TMEM255B: variants seen among roughly 807,000 people sequenced by gnomAD.
The protein encoded by TMEM255B is transmembrane protein 255B, also known as family with sequence similarity 70, member B.
Under a neutral mutation model 34.5 loss-of-function variants are expected in TMEM255B, and 35 were observed. The observed-to-expected ratio is 1.01, with a 90% confidence interval of 0.77 to 1.34. The LOEUF (loss-of-function observed/expected upper bound fraction) is 1.34, where lower values mean the gene tolerates loss of function less well. Ranked by LOEUF, TMEM255B falls within the 40% of genes most tolerant of loss-of-function variation. The probability of loss-of-function intolerance (pLI) is 0.00; values close to 1 mark genes in which losing one functional copy is unlikely to be tolerated. For synonymous variants in TMEM255B, 206 were observed against 201.2 expected, an observed-to-expected ratio of 1.02 and a Z score of -0.20; for missense variants, 432 against 433.2, an observed-to-expected ratio of 1.00 and a Z score of 0.02.
chr13:113,811,790 C>T lies in TMEM255B; in HGVS notation c.868C>T (p.Leu290=). The T allele has an allele frequency of 1.2e-6, 2 of 1,613,934 alleles. No individual in the cohort carries two copies. The highest frequency in any genetic ancestry group is 1.7e-6 in the Non-Finnish European group (2 of 1,179,900). The change falls in exon 9 of 9, where the codon CTG becomes TTG. Residue 290 remains leucine (L), a synonymous_variant. Transcript: ENST00000375353. ...PSSALASSED[L]QPPSPSSSGS... ...CTCTGCCCTGGCTTCGTCTGAGGAC[C>T]TGCAGCCCCCTTCTCCAAGCAGCTC... is the stretch of plus-strand genomic sequence containing the variant.
chr13:113,815,784 G>A lies in TMEM255B; in HGVS notation c.*3881G>A, dbSNP rs960274309. ...ATACTACAGTGGTCCATCCACACGC[G>A]GGTCTCACCCAGCCACAGAGAGGGA... On this transcript the variant is annotated 3_prime_UTR_variant, in exon 9 of 9. Transcript: ENST00000375353. 3 of 152,448 alleles carry A rather than the reference G, an allele frequency of 2.0e-5. No individual in the cohort carries two copies. The highest frequency in any genetic ancestry group is 7.3e-5 in the African/African-American group (3 of 41,362). The allele number at this position is 152,448 out of a possible 1,614,324, so 9.4% of individuals were successfully genotyped here. A position where few individuals can be genotyped will look rare whatever the true frequency, so the allele number is the denominator to read the frequency against.
At chr13:113,790,752 A>G (rs1321262955) in intron 3 of TMEM255B, among the ~76,000 whole-genome samples, 29 of 127,224 alleles carry the variant, frequency 2.3e-4, no homozygotes, top group African/African-American at 4.6e-4. Flanking sequence ...TGAACTGACT[A>G]GACACATGGA....
At chr13:113,798,471 TGATG>T (rs1273133731) in intron 4 of TMEM255B, among the ~76,000 whole-genome samples, 4 of 145,050 alleles carry the variant, frequency 2.8e-5, no homozygotes, top group Non-Finnish European at 4.5e-5. Context: ...AATGGATGGA[TGATG>T]GATGGATGGT....
rs2051173762 is a variant in TMEM255B at position 113,806,433 on chromosome 13, G to A, written c.813+1405G>A. ...CAGGGCCTGACAACATCTCCTCGTG[G>A]AGGGATCCCTGCACCTCATACCTCA... is the stretch of plus-strand genomic sequence containing the variant. On this transcript the variant is annotated intron_variant, in intron 8 of 8. Transcript: ENST00000375353. This position sits in a 1 kb window ranked among gnomAD's most constrained non-coding sequence, Gnocchi z 4.2. Among the ~76,000 whole-genome samples, 1 of 152,112 alleles carries A rather than the reference G, an allele frequency of 6.6e-6. No individual in the cohort carries two copies. Among genetic ancestry groups the A allele is most frequent in the African/African-American group, 2.4e-5 (1 of 41,422 alleles).
At position 113,806,825 on chromosome 13, in the gene TMEM255B, A is replaced by AGAAG. The variant is rs1453732098; in HGVS notation, c.813+1800_813+1803dup. ...CCCAGAACTGGAGGCCCGCAGGGGT[A>AGAAG]GAAGGAGGAGGCCCGCAGGGGCAGA... On this transcript the variant is annotated intron_variant, in intron 8 of 8. Transcript: ENST00000375353. This position sits in a 1 kb window ranked among gnomAD's most constrained non-coding sequence, Gnocchi z 4.2. 9.5e-6 allele frequency among the ~76,000 whole-genome samples: 1 copy of AGAAG among 105,720 alleles called. No homozygotes were observed. The highest frequency in any genetic ancestry group is 4.2e-5 in the African/African-American group (1 of 23,642). The allele number at this position is 105,720 out of a possible 152,430, so 69.4% of individuals were successfully genotyped here.
intron 8 of TMEM255B, among the ~76,000 whole-genome samples, chr13:113,808,952 G>T (rs1395985088): frequency 2.0e-5 from 3 of 148,316 alleles, no homozygotes; most frequent in Non-Finnish European, 4.5e-5. Flanking sequence ...GTGGTTTCTG[G>T]GGGTTTACCT....
chr13:113,786,566 GTCATCACCATCA>G (rs1203327979), intron 3 of TMEM255B, among the ~76,000 whole-genome samples: 7 of 149,458 alleles, frequency 4.7e-5, no homozygotes, highest in African/African-American at 1.7e-4. Context: ...CATCATCACC[GTCATCACCATCA>G]TCATCACCAT....
chr13:113,799,846 G>C (rs1038507494), intron 5 of TMEM255B: 2 of 696,900 alleles, frequency 2.9e-6, no homozygotes, highest in Non-Finnish European at 4.8e-6. Context: ...GTAATGACCC[G>C]CGGGCGGCCG....
chr13:113,811,253 G>A (rs1407534926), intron 8 of TMEM255B, among the ~76,000 whole-genome samples: 1 of 129,932 alleles, frequency 7.7e-6, no homozygotes, highest in Non-Finnish European at 1.6e-5. Context: ...TCTGTGGGGT[G>A]GGGGCCCGTG....
intron 3 of TMEM255B, among the ~76,000 whole-genome samples, chr13:113,782,575 G>A (rs1276464668): frequency 2.0e-5 from 3 of 151,636 alleles, no homozygotes; most frequent in Non-Finnish European, 2.9e-5. Context: ...GTTACCCTGG[G>A]TTCCGTGGAC....
In TMEM255B at chr13:113,759,263, C is replaced by T. The variant is rs2140793277; in HGVS notation, c.-7C>T. ...GTGGCCCCGGGAGAGCCGGGTGGGG[C>T]CTCGGGATGCAGCCGCCGGTGCCCG... On this transcript the variant is annotated 5_prime_UTR_variant, in exon 1 of 9. Coordinates refer to ENST00000375353, the MANE Select transcript of TMEM255B (RefSeq NM_182614.4). 1 of 1,228,402 alleles carries T rather than the reference C, an allele frequency of 8.1e-7. No individual in the cohort carries two copies. Among genetic ancestry groups the T allele is most frequent in the Non-Finnish European group, 1.0e-6 (1 of 985,774 alleles). The allele number at this position is 1,228,402 out of a possible 1,614,324, so 76.1% of individuals were successfully genotyped here.
chr13:113,800,085 TGTGTGTGTGTGG>T, intron 5 of TMEM255B: 1 of 1,167,276 alleles, frequency 8.6e-7, no homozygotes, highest in Non-Finnish European at 1.1e-6. Context: ...TGTGTTTATG[TGTGTGTGTGTGG>T]GGGGGGGTAG....
chr13:113,808,628 T>C (rs2051231068), intron 8 of TMEM255B, among the ~76,000 whole-genome samples: 2 of 147,080 alleles, frequency 1.4e-5, no homozygotes, highest in Admixed American at 6.8e-5. Flanking sequence ...ATTTATTCCG[T>C]GGTTCCTGGG....
chr13:113,788,351 G>A (rs1318064077), intron 3 of TMEM255B, among the ~76,000 whole-genome samples: 1 of 99,676 alleles, frequency 1.0e-5, no homozygotes, highest in Non-Finnish European at 2.1e-5. Context: ...AGGGGAAGGC[G>A]GAGGGGGTGG....
chr13:113,761,154 C>T (rs2050302236), intron 1 of TMEM255B: 2 of 984,596 alleles, frequency 2.0e-6, no homozygotes, highest in Non-Finnish European at 2.4e-6. Flanking sequence ...CTGGTGTCCC[C>T]ACATGATTAA....
rs199693081 is a variant in TMEM255B at position 113,811,717 on chromosome 13, C to T, written c.814-19C>T. On this transcript the variant is annotated intron_variant, in intron 8 of 8. Transcript: ENST00000375353. ...GGTGGTCTCACCTGCTAACCCAGGGCCCTCTCTGTTTATTGCAGCCCTGCA... is the reference window on the plus strand; with the variant it reads ...GGTGGTCTCACCTGCTAACCCAGGGTCCTCTCTGTTTATTGCAGCCCTGCA... 3 of 1,612,972 alleles carry T rather than the reference C, an allele frequency of 1.9e-6. No individual in the cohort carries two copies. The East Asian group carries it at 6.7e-5, about 36-fold the overall frequency.
Position 113,816,426 on chromosome 13 carries a change from A to C in TMEM255B, c.*4523A>C. 6.5e-6 allele frequency: 1 copy of C among 154,938 alleles called. No homozygotes were observed. The highest frequency in any genetic ancestry group is 1.4e-5 in the Non-Finnish European group (1 of 69,490). 9.6% of individuals were successfully genotyped at this position (154,938 alleles called of 1,614,324 possible). On this transcript the variant is annotated 3_prime_UTR_variant, in exon 9 of 9. Coordinates refer to ENST00000375353, the MANE Select transcript of TMEM255B (RefSeq NM_182614.4). The stretch of plus-strand genomic sequence containing the variant: ...TGCTCTGCACTCATGAGGCGTGGCT[A>C]TTGCTGTGTGAATCACATCTCCATG...
In TMEM255B at chr13:113,761,618, G is replaced by A. The variant is rs185330857; in HGVS notation, c.46+2303G>A. Among the ~76,000 whole-genome samples, 60 of 152,314 alleles carry A rather than the reference G, an allele frequency of 3.9e-4. 1 individual carries two copies. The East Asian group carries it at 5.2e-3, about 13-fold the overall frequency. The stretch of plus-strand genomic sequence containing the variant: ...TGCAACTCCAGTGGGAGAAATGCTG[G>A]TTAAGAATAGCCGCTACGCCGTCTT... On this transcript the variant is annotated intron_variant, in intron 1 of 8. Coordinates refer to ENST00000375353, the MANE Select transcript of TMEM255B (RefSeq NM_182614.4).
chr13:113,803,619 A>G (rs2051105968), intron 7 of TMEM255B, among the ~76,000 whole-genome samples: 1 of 118,296 alleles, frequency 8.5e-6, no homozygotes, highest in Non-Finnish European at 2.0e-5. Context: ...CCACCCCTCT[A>G]CCTGTCAGAA....
Sources: gnomAD v4.1 joint callset for allele counts (sites outside exome capture counted in the v4.1 genomes callset) on GRCh38, gnomAD v4.1.1 for gene constraint, Gnocchi (gnomAD v3.1) non-coding constraint, MANE v1.5 for transcripts, NCBI Gene and HGNC (gene_info 2026-07-23, HGNC 2026-07-21) for gene names.